The following LRRC4C variants were observed in gnomAD, a reference collection of about 807,000 sequenced individuals.
The protein encoded by LRRC4C is leucine rich repeat containing 4C, also known as leucine-rich repeat-containing protein 4C.
LRRC4C carries 5 observed loss-of-function variants against 33.6 expected under a neutral mutation model. That is an observed-to-expected ratio of 0.15 (90% confidence interval 0.08 to 0.31). The LOEUF is 0.31. Ranked by LOEUF, LRRC4C falls within the 10% of genes least tolerant of loss-of-function variation. The pLI is 1.00. For synonymous variants in LRRC4C, 329 were observed against 302.0 expected, an observed-to-expected ratio of 1.09 and a Z score of -0.93; for missense variants, 560 against 796.7, an observed-to-expected ratio of 0.70 and a Z score of 3.58.
At chr11:40,673,254 A>G (rs10742546) in intron 2 of LRRC4C, among the ~76,000 whole-genome samples, 64,270 of 151,904 alleles carry the variant, frequency 0.42, 13,974 homozygotes, top group East Asian at 0.61. Context: ...ATATTAGGAG[A>G]AGGGCAGTTC....
intron 3 of LRRC4C, among the ~76,000 whole-genome samples, chr11:40,615,164 G>A (rs535885677): frequency 4.7e-5 from 7 of 149,122 alleles, no homozygotes; most frequent in African/African-American, 1.2e-4. Flanking sequence ...TGATGAGTAC[G>A]GAAAACCTTC....
chr11:40,181,820 CCCAT>C (rs1861027411), intron 5 of LRRC4C, among the ~76,000 whole-genome samples: 1 of 152,164 alleles, frequency 6.6e-6, no homozygotes, highest in South Asian at 2.1e-4. Context: ...TGAAGCTTTG[CCCAT>C]CAGGGCCAGA....
At chr11:40,987,643 A>ATATATC (rs1565274338) in intron 1 of LRRC4C, among the ~76,000 whole-genome samples, 2 of 58,472 alleles carry the variant, frequency 3.4e-5, no homozygotes, top group Admixed American at 3.8e-4. Context: ...ATATATATAT[A>ATATATC]TATATATATC....
At chr11:40,164,397 A>G (rs1196590255) in intron 5 of LRRC4C, among the ~76,000 whole-genome samples, 1 of 152,168 alleles carries the variant, frequency 6.6e-6, no homozygotes, top group Non-Finnish European at 1.5e-5. Context: ...ATGCACCACT[A>G]TGCCCGGCTA....
chr11:41,322,028 C>A (rs762305894), intron 1 of LRRC4C, among the ~76,000 whole-genome samples: 6 of 151,898 alleles, frequency 4.0e-5, no homozygotes, highest in South Asian at 2.1e-4. Context: ...CCATGCCTGG[C>A]TAATTTTTCT....
intron 1 of LRRC4C, among the ~76,000 whole-genome samples, chr11:41,408,366 G>A (rs1045805982): frequency 6.6e-6 from 1 of 152,074 alleles, no homozygotes; most frequent in Non-Finnish European, 1.5e-5. Flanking sequence ...CCTTGAAGAA[G>A]TATGTTAGAA....
intron 1 of LRRC4C, among the ~76,000 whole-genome samples, chr11:41,239,674 A>G (rs975221873): frequency 2.0e-5 from 3 of 152,042 alleles, no homozygotes; most frequent in Middle Eastern, 3.4e-3. Flanking sequence ...TTCTCTTTTC[A>G]TTTTTAATTT....
chr11:40,883,332 T>G (rs765765896), intron 2 of LRRC4C, among the ~76,000 whole-genome samples: 1 of 152,020 alleles, frequency 6.6e-6, no homozygotes, highest in Non-Finnish European at 1.5e-5. Context: ...CAGTATTTTC[T>G]AGGAAAACAT....
chr11:41,411,142 A>AGTCTTTTTTTTTTTTTTTTTTTT (rs1954463577), intron 1 of LRRC4C, among the ~76,000 whole-genome samples: 1 of 57,240 alleles, frequency 1.7e-5, no homozygotes, highest in African/African-American at 1.2e-4. Flanking sequence ...TTGGTACCCT[A>AGTCTTTTTTTTTTTTTTTTTTTT]TTTTTTTTTT....
intron 1 of LRRC4C, among the ~76,000 whole-genome samples, chr11:41,055,831 G>A (rs1467461762): frequency 6.6e-6 from 1 of 152,088 alleles, no homozygotes; most frequent in Non-Finnish European, 1.5e-5. Flanking sequence ...CTCACATTAG[G>A]AGAGAGGTGT....
At chr11:40,256,710 T>C (rs530739550) in intron 4 of LRRC4C, among the ~76,000 whole-genome samples, 1 of 152,310 alleles carries the variant, frequency 6.6e-6, no homozygotes, top group African/African-American at 2.4e-5. Context: ...TAATGAATAC[T>C]AAATGATGTA....
intron 5 of LRRC4C, among the ~76,000 whole-genome samples, chr11:40,181,862 G>A (rs935931898): frequency 2.0e-5 from 3 of 152,114 alleles, no homozygotes; most frequent in South Asian, 2.1e-4. Context: ...AGCTTACCCC[G>A]GGACTCAGAG....
At chr11:40,653,269 C>T (rs930843213) in intron 2 of LRRC4C, among the ~76,000 whole-genome samples, 1 of 152,124 alleles carries the variant, frequency 6.6e-6, no homozygotes, top group Admixed American at 6.5e-5. Context: ...TAGAATAAGA[C>T]AGAAAAGTGT....
Position 40,554,847 on chromosome 11 carries a change from G to A in LRRC4C, c.-270+93295C>T, listed in dbSNP as rs190562003. Among the ~76,000 whole-genome samples, 3 of 141,178 alleles carry A rather than the reference G, an allele frequency of 2.1e-5. 1 individual carries two copies. The highest frequency in any genetic ancestry group is 8.6e-5 in the African/African-American group (3 of 34,958). 92.6% of individuals were successfully genotyped at this position (141,178 alleles called of 152,430 possible). On this transcript the variant is annotated intron_variant, in intron 3 of 6. Coordinates refer to ENST00000528697, the MANE Select transcript of LRRC4C (RefSeq NM_001258419.2). ...CGCCATTCTCCTGCCTCAGCCTCCC[G>A]AGTAGCTGGGACTACAGACGCCCGC...
intron 2 of LRRC4C, among the ~76,000 whole-genome samples, chr11:40,665,860 C>T (rs1013656639): frequency 2.0e-5 from 3 of 151,822 alleles, no homozygotes; most frequent in African/African-American, 7.3e-5. Context: ...CAATTTTTAC[C>T]TATAAGAAAT....
intron 3 of LRRC4C, among the ~76,000 whole-genome samples, chr11:40,323,460 T>A (rs1267007573): frequency 6.6e-6 from 1 of 152,252 alleles, no homozygotes; most frequent in African/African-American, 2.4e-5. Context: ...CTCACCTTCA[T>A]AGTTTCATAA....
At chr11:40,483,310 G>T (rs1248845273) in intron 3 of LRRC4C, among the ~76,000 whole-genome samples, 1 of 152,122 alleles carries the variant, frequency 6.6e-6, no homozygotes, top group Admixed American at 6.6e-5. Context: ...AGAGAAAAAA[G>T]AATTATCCAG....
chr11:41,102,741 G>A (rs1030286776), intron 1 of LRRC4C, among the ~76,000 whole-genome samples: 6 of 152,028 alleles, frequency 3.9e-5, no homozygotes, highest in African/African-American at 1.4e-4. Context: ...TGCGCTCACT[G>A]GATTTAAACA....
chr11:40,270,196 T>A (rs1237352690), intron 4 of LRRC4C, among the ~76,000 whole-genome samples: 2 of 152,168 alleles, frequency 1.3e-5, no homozygotes, highest in Non-Finnish European at 2.9e-5. Flanking sequence ...ACTGTACTTG[T>A]TTACTAGTGT....
Sources: gnomAD v4.1 joint callset for allele counts (sites outside exome capture counted in the v4.1 genomes callset) on GRCh38, gnomAD v4.1.1 for gene constraint, MANE v1.5 for transcripts, NCBI Gene and HGNC (gene_info 2026-07-23, HGNC 2026-07-21) for gene names.